GALNT13: variants seen among roughly 807,000 people sequenced by gnomAD.
GALNT13 encodes the protein polypeptide N-acetylgalactosaminyltransferase 13.
In GALNT13, 28 loss-of-function variants were observed where a neutral mutation model predicts 64.2. The observed-to-expected ratio is 0.44, with a 90% confidence interval of 0.32 to 0.60. The LOEUF is 0.60. Ranked by LOEUF, GALNT13 falls within the 20% of genes least tolerant of loss-of-function variation. GALNT13 has a pLI of 0.05. For missense variants in GALNT13, 577 were observed against 669.8 expected (o/e 0.86, Z 1.53); for synonymous variants, 214 against 224.6 (o/e 0.95, Z 0.42).
chr2:154,160,096 C>G (rs1345130527), intron 4 of GALNT13, among the ~76,000 whole-genome samples: 1 of 152,126 alleles, frequency 6.6e-6, no homozygotes, highest in Non-Finnish European at 1.5e-5. Context: ...CTCTTCCCAG[C>G]CTTTATTTGA....
the GALNT13 span, among the ~76,000 whole-genome samples, chr2:153,137,499 A>T: frequency 6.6e-6 from 1 of 152,052 alleles, no homozygotes; most frequent in Non-Finnish European, 1.5e-5. Flanking sequence ...TGTTATAATT[A>T]CTTGTCAAAA....
chr2:153,771,520 A>G, the GALNT13 span, among the ~76,000 whole-genome samples: 1 of 152,114 alleles, frequency 6.6e-6, no homozygotes, highest in Admixed American at 6.5e-5. Flanking sequence ...GATTTCTGCA[A>G]AGGGGATTGT....
At chr2:154,377,445 G>A (rs2105324612) in intron 9 of GALNT13, among the ~76,000 whole-genome samples, 1 of 152,180 alleles carries the variant, frequency 6.6e-6, no homozygotes, top group African/African-American at 2.4e-5. Flanking sequence ...AGGGAGGGAG[G>A]GAGGAATTAG....
chr2:153,442,024 C>T, the GALNT13 span, among the ~76,000 whole-genome samples: 1 of 152,026 alleles, frequency 6.6e-6, no homozygotes, highest in Non-Finnish European at 1.5e-5. Flanking sequence ...TGTCTTGTGC[C>T]AGTTTTCAAA....
the GALNT13 span, among the ~76,000 whole-genome samples, chr2:153,228,929 A>G: frequency 6.6e-6 from 1 of 152,034 alleles, no homozygotes; most frequent in African/African-American, 2.4e-5. Flanking sequence ...CCTTGTATCC[A>G]AATCTACATG....
chr2:154,087,294 G>A (rs898505248), intron 3 of GALNT13, among the ~76,000 whole-genome samples: 1 of 151,678 alleles, frequency 6.6e-6, no homozygotes, highest in East Asian at 1.9e-4. Context: ...TAAACAGTAT[G>A]GTACATATTT....
At chr2:153,457,009 G>C in the GALNT13 span, among the ~76,000 whole-genome samples, 1 of 152,202 alleles carries the variant, frequency 6.6e-6, no homozygotes, top group African/African-American at 2.4e-5. Context: ...TTTTCTGGAA[G>C]TCAAGATTCA....
At chr2:154,388,608 G>A (rs1042146368) in intron 9 of GALNT13, among the ~76,000 whole-genome samples, 6 of 152,030 alleles carry the variant, frequency 3.9e-5, no homozygotes, top group Non-Finnish European at 8.8e-5. Flanking sequence ...TTTGCATGTG[G>A]ATCTCCAGCT....
the GALNT13 span, among the ~76,000 whole-genome samples, chr2:153,111,348 A>G: frequency 3.5e-4 from 53 of 152,252 alleles, no homozygotes; most frequent in African/African-American, 1.1e-3. Flanking sequence ...AACACCTGCC[A>G]TAATGATGCT....
At chr2:153,345,326 C>T in the GALNT13 span, among the ~76,000 whole-genome samples, 4 of 152,140 alleles carry the variant, frequency 2.6e-5, no homozygotes, top group Admixed American at 2.0e-4. Context: ...CCTTAAGGGG[C>T]AGCTGACCAA....
the GALNT13 span, among the ~76,000 whole-genome samples, chr2:153,145,344 G>A: frequency 6.6e-6 from 1 of 151,866 alleles, no homozygotes; most frequent in Non-Finnish European, 1.5e-5. Context: ...CGAAAAAGAA[G>A]TTTAAAAATT....
At chr2:153,993,695 CAAAA>C (rs5835495) in intron 3 of GALNT13, among the ~76,000 whole-genome samples, 1 of 105,156 alleles carries the variant, frequency 9.5e-6, no homozygotes, top group Non-Finnish European at 1.8e-5. Context: ...GACTCCATCT[CAAAA>C]AAAAAAAAAA....
the GALNT13 span, among the ~76,000 whole-genome samples, chr2:153,669,321 C>G: frequency 6.6e-6 from 1 of 152,194 alleles, no homozygotes; most frequent in Non-Finnish European, 1.5e-5. Flanking sequence ...CCAGTGCATG[C>G]ATGTGTGTGC....
At chr2:153,860,937 G>C in the GALNT13 span, among the ~76,000 whole-genome samples, 1 of 152,154 alleles carries the variant, frequency 6.6e-6, no homozygotes, top group East Asian at 1.9e-4. Context: ...TGTTTATTCT[G>C]ATTCTAAGTT....
the GALNT13 span, among the ~76,000 whole-genome samples, chr2:153,523,852 G>A: frequency 1.3e-5 from 2 of 152,146 alleles, no homozygotes; most frequent in Admixed American, 6.5e-5. Flanking sequence ...TTGAAAGGCA[G>A]TGGTGAGATG....
chr2:154,130,642 G>T (rs1410899282), intron 3 of GALNT13, among the ~76,000 whole-genome samples: 2 of 152,036 alleles, frequency 1.3e-5, no homozygotes, highest in East Asian at 3.9e-4. Context: ...AGCTCTGTTA[G>T]ATATTTTATG....
chr2:154,417,826 G>A (rs1700088597), intron 11 of GALNT13, among the ~76,000 whole-genome samples: 1 of 151,826 alleles, frequency 6.6e-6, no homozygotes. Context: ...TTAGAACTAT[G>A]TAAATTCTAT....
chr2:153,944,267 G>A, intron 2 of GALNT13, 127 bp from the exon 3 acceptor site: 1 of 388,028 alleles, frequency 2.6e-6, no homozygotes, highest in Non-Finnish European at 4.6e-6. Flanking sequence ...TTTTAATTTT[G>A]GATTCGAAGG....
At chr2:154,082,250 G>T (rs1239518061) in intron 3 of GALNT13, among the ~76,000 whole-genome samples, 1 of 151,580 alleles carries the variant, frequency 6.6e-6, no homozygotes, top group Non-Finnish European at 1.5e-5. Flanking sequence ...AAGATACAAT[G>T]GAGTTGAGAT....
Sources: gnomAD v4.1 joint callset for allele counts (sites outside exome capture counted in the v4.1 genomes callset) on GRCh38, gnomAD v4.1.1 for gene constraint, MANE v1.5 for transcripts, NCBI Gene and HGNC (gene_info 2026-07-23, HGNC 2026-07-21) for gene names.